CCDC73: variants seen among roughly 807,000 people sequenced by gnomAD.
The protein encoded by CCDC73 is coiled-coil domain containing 73.
In CCDC73, 95 loss-of-function variants were observed where a neutral mutation model predicts 116.5. That is an observed-to-expected ratio of 0.82 (90% CI 0.69 to 0.97). The LOEUF (loss-of-function observed/expected upper bound fraction) is 0.97, where lower values mean the gene tolerates loss of function less well. Among genes scored for constraint, CCDC73 ranks in the 50% least tolerant of loss-of-function variants. The pLI is 0.00. For synonymous variants in CCDC73, 398 were observed against 401.3 expected (o/e 0.99, Z 0.10); for missense variants, 1,066 against 1,206.8 (o/e 0.88, Z 1.73).
intron 3 of CCDC73, among the ~76,000 whole-genome samples, chr11:32,716,367 G>A (rs1565083491): frequency 6.6e-6 from 1 of 152,072 alleles, no homozygotes; most frequent in Non-Finnish European, 1.5e-5. Flanking sequence ...AGATTCTGTT[G>A]TGTTCTACTA....
chr11:32,635,437 T>A (rs1035919372), intron 14 of CCDC73, among the ~76,000 whole-genome samples: 1 of 152,114 alleles, frequency 6.6e-6, no homozygotes, highest in Admixed American at 6.6e-5. Context: ...TCAAAGAAAG[T>A]ACTAAGGTAC....
intron 3 of CCDC73, among the ~76,000 whole-genome samples, chr11:32,716,242 T>C (rs1458873370): frequency 6.6e-6 from 1 of 152,182 alleles, no homozygotes; most frequent in East Asian, 1.9e-4. Context: ...TCTGGCTTTT[T>C]CTTCAGATGG....
chr11:32,644,726 C>T (rs997273341), intron 12 of CCDC73, among the ~76,000 whole-genome samples: 1 of 152,158 alleles, frequency 6.6e-6, no homozygotes, highest in African/African-American at 2.4e-5. Flanking sequence ...TTTATTACTT[C>T]CAAAAGTTCC....
At position 32,768,363 on chromosome 11, in the gene CCDC73, C is replaced by T. The variant is rs142926780; in HGVS notation, c.-15-8105G>A. Among the ~76,000 whole-genome samples the T allele has an allele frequency of 4.7e-3, 713 of 152,122 alleles. 11 individuals are homozygous for T. The highest frequency in any genetic ancestry group is 0.015 in the African/African-American group (630 of 41,484). On this transcript the variant is annotated intron_variant, in intron 1 of 17. Coordinates refer to ENST00000335185, the MANE Select transcript of CCDC73 (RefSeq NM_001008391.4). ...GGCAGGGATAGCATTAGGAGATATA[C>T]GTAACATAAATGACGAGTTAATGGG...
At chr11:32,828,591 T>C in the CCDC73 span, among the ~76,000 whole-genome samples, 1 of 151,864 alleles carries the variant, frequency 6.6e-6, no homozygotes, top group East Asian at 1.9e-4. Context: ...GACCAAAGCA[T>C]AAATAGTGTT....
chr11:32,717,301 C>G (rs72897123), intron 3 of CCDC73, among the ~76,000 whole-genome samples: 8,233 of 152,248 alleles, frequency 0.054, 286 homozygotes, highest in Non-Finnish European at 0.083. Flanking sequence ...TGCTTCAATA[C>G]AGATAAAGCT....
At chr11:32,804,874 G>A in the CCDC73 span, among the ~76,000 whole-genome samples, 2 of 152,328 alleles carry the variant, frequency 1.3e-5, no homozygotes, top group Admixed American at 6.5e-5. Context: ...TAATGCCAAA[G>A]TATGTAGTGA....
intron 2 of CCDC73, 120 bp downstream of exon 2, chr11:32,759,989 G>T (rs1850377226): frequency 1.3e-6 from 1 of 774,498 alleles, no homozygotes. Context: ...TCATTAATTG[G>T]ACTATATATT....
intron 2 of CCDC73, among the ~76,000 whole-genome samples, chr11:32,734,425 C>CTTTTTTTTTTTTTTTTTTT (rs34093038): frequency 7.6e-6 from 1 of 131,368 alleles, no homozygotes. Flanking sequence ...ATTTTTTTTT[C>CTTTTTTTTTTTTTTTTTTT]TTTTTTTTTT....
intron 16 of CCDC73, 90 bp downstream of exon 16, chr11:32,613,332 A>T: frequency 1.7e-6 from 2 of 1,156,294 alleles, no homozygotes; most frequent in Non-Finnish European, 2.4e-6. Context: ...CGAACTTTTA[A>T]AACAAAATTT....
chr11:32,686,951 G>A lies in CCDC73; in HGVS notation c.391-3377C>T, dbSNP rs895435339. On this transcript the variant is annotated intron_variant, in intron 6 of 17. Transcript: ENST00000335185. ...GATGCTAATGCATTAACTATAGAAGGCAGCTTCAAAAATAAAATGCAAATG... is the reference window on the plus strand; with the variant it reads ...GATGCTAATGCATTAACTATAGAAGACAGCTTCAAAAATAAAATGCAAATG... Among the ~76,000 whole-genome samples, 17 of 152,014 alleles carry A rather than the reference G, an allele frequency of 1.1e-4. 1 individual carries two copies.
chr11:32,632,745 A>G (rs549008048), intron 14 of CCDC73, among the ~76,000 whole-genome samples: 47 of 152,024 alleles, frequency 3.1e-4, no homozygotes, highest in African/African-American at 1.1e-3. Context: ...GTGTGTGTGT[A>G]TGTTGTGTAT....
intron 1 of CCDC73, among the ~76,000 whole-genome samples, chr11:32,763,280 A>T (rs904780660): frequency 1.3e-5 from 2 of 152,222 alleles, no homozygotes; most frequent in African/African-American, 4.8e-5. Context: ...TTGAGATCTG[A>T]GAACGGACAG....
chr11:32,751,522 G>A (rs2133367649), intron 2 of CCDC73, among the ~76,000 whole-genome samples: 1 of 152,284 alleles, frequency 6.6e-6, no homozygotes, highest in African/African-American at 2.4e-5. Flanking sequence ...CTCTGGCTAG[G>A]GCTAGCCTGA....
the CCDC73 span, among the ~76,000 whole-genome samples, chr11:32,807,582 A>AT: frequency 4.5e-3 from 587 of 130,716 alleles, 1 homozygote; most frequent in Admixed American, 7.7e-3. Flanking sequence ...ACATTATGGG[A>AT]TTTTTTTTTG....
intron 3 of CCDC73, among the ~76,000 whole-genome samples, chr11:32,711,531 T>C (rs1849900683): frequency 6.6e-6 from 1 of 152,136 alleles, no homozygotes; most frequent in Non-Finnish European, 1.5e-5. Context: ...AAATATCATA[T>C]GTTCTCACTC....
chr11:32,654,327 TTACGC>T (rs1300963448), intron 10 of CCDC73, among the ~76,000 whole-genome samples: 2 of 152,140 alleles, frequency 1.3e-5, no homozygotes, highest in Non-Finnish European at 2.9e-5. Flanking sequence ...ATGCCCACCA[TTACGC>T]ACAGCTAATT....
intron 13 of CCDC73, among the ~76,000 whole-genome samples, chr11:32,637,017 C>CTTTTTTTTTTTTTTTTT (rs71063750): frequency 2.3e-5 from 2 of 87,940 alleles, no homozygotes; most frequent in African/African-American, 7.9e-5. Flanking sequence ...TTTTCTTTTT[C>CTTTTTTTTTTTTTTTTT]TTTTTTTTTT....
At chr11:32,739,147 T>C (rs117015592) in intron 2 of CCDC73, among the ~76,000 whole-genome samples, 5,451 of 152,306 alleles carry the variant, frequency 0.036, 122 homozygotes, top group Non-Finnish European at 0.052. Flanking sequence ...AGTTCTGTTC[T>C]TTTTGTTCAG....
Sources: gnomAD v4.1 joint callset for allele counts (sites outside exome capture counted in the v4.1 genomes callset) on GRCh38, gnomAD v4.1.1 for gene constraint, MANE v1.5 for transcripts, NCBI Gene and HGNC (gene_info 2026-07-23, HGNC 2026-07-21) for gene names.